Variants in SBF2 observed in about 807,000 individuals in gnomAD.
SBF2 encodes SET binding factor 2, also known as myotubularin-related protein 13.
Under a neutral mutation model 225.2 loss-of-function variants are expected in SBF2, and 112 were observed. The ratio of observed to expected loss-of-function variants is 0.50; its 90% CI spans 0.43 to 0.58. SBF2 has a LOEUF of 0.58. SBF2 is among the 20% of genes least tolerant of loss of function. SBF2 has a pLI of 0.00. For synonymous variants in SBF2, 763 were observed against 773.3 expected (o/e 0.99, Z 0.22); for missense variants, 1,996 against 2,206.2 (o/e 0.90, Z 1.91).
At chr11:9,887,850 A>G (rs1466925098) in intron 17 of SBF2, among the ~76,000 whole-genome samples, 2 of 151,958 alleles carry the variant, frequency 1.3e-5, no homozygotes, top group African/African-American at 4.8e-5. Context: ...CTTGAGACCT[A>G]TTGTAGGAAA....
intron 1 of SBF2, among the ~76,000 whole-genome samples, chr11:10,291,036 C>A (rs910579493): frequency 2.6e-5 from 4 of 152,190 alleles, no homozygotes; most frequent in Non-Finnish European, 4.4e-5. Flanking sequence ...CAAAGTTGTT[C>A]TCAAAGAGTG....
At chr11:10,089,359 T>A (rs1951695587) in intron 2 of SBF2, among the ~76,000 whole-genome samples, 1 of 152,224 alleles carries the variant, frequency 6.6e-6, no homozygotes, top group South Asian at 2.1e-4. Context: ...ATGACTGTAC[T>A]TCTTTAGCCT....
At chr11:9,996,172 T>G (rs369182597) in intron 9 of SBF2, among the ~76,000 whole-genome samples, 1 of 152,194 alleles carries the variant, frequency 6.6e-6, no homozygotes, top group East Asian at 1.9e-4. Context: ...ATCTTAATCT[T>G]TGTTAATTTT....
chr11:10,080,248 CA>C (rs34181436), intron 2 of SBF2, among the ~76,000 whole-genome samples: 28,921 of 82,124 alleles, frequency 0.35, 3,148 homozygotes, highest in East Asian at 0.59. Context: ...AACTCTGTCT[CA>C]AAAAAAAAAA....
chr11:9,920,278 A>G (rs1044486010), intron 16 of SBF2, among the ~76,000 whole-genome samples: 1 of 151,896 alleles, frequency 6.6e-6, no homozygotes, highest in African/African-American at 2.4e-5. Flanking sequence ...TGGCATGGAA[A>G]AACAGGCAGA....
At chr11:9,919,875 G>A (rs1863459231) in intron 16 of SBF2, among the ~76,000 whole-genome samples, 1 of 151,952 alleles carries the variant, frequency 6.6e-6, no homozygotes, top group East Asian at 1.9e-4. Context: ...GAGATTACAG[G>A]CATGTGCCAC....
chr11:9,975,767 T>C (rs1225672809), intron 13 of SBF2, among the ~76,000 whole-genome samples: 4 of 152,224 alleles, frequency 2.6e-5, no homozygotes, highest in Non-Finnish European at 5.9e-5. Context: ...TTTATGTCTA[T>C]GTCTTGACTC....
At chr11:9,883,500 T>C (rs568416688) in intron 17 of SBF2, among the ~76,000 whole-genome samples, 1 of 152,270 alleles carries the variant, frequency 6.6e-6, no homozygotes, top group Admixed American at 6.5e-5. Context: ...TCAGACTAAC[T>C]CTCAAGGTTA....
At chr11:9,876,415 C>T (rs1462183309) in intron 17 of SBF2, among the ~76,000 whole-genome samples, 1 of 152,090 alleles carries the variant, frequency 6.6e-6, no homozygotes, top group African/African-American at 2.4e-5. Flanking sequence ...CCAGCGTGCC[C>T]ATATTTGTAG....
At chr11:10,160,070 T>C (rs1431461452) in intron 2 of SBF2, among the ~76,000 whole-genome samples, 1 of 151,856 alleles carries the variant, frequency 6.6e-6, no homozygotes, top group African/African-American at 2.4e-5. Context: ...CAGTTACAAT[T>C]AGACACGAAA....
At chr11:10,003,664 G>A (rs1739134461) in intron 6 of SBF2, among the ~76,000 whole-genome samples, 1 of 151,940 alleles carries the variant, frequency 6.6e-6, no homozygotes. Flanking sequence ...ACCGCGCCTG[G>A]CCTGGTTTTT....
intron 2 of SBF2, among the ~76,000 whole-genome samples, chr11:10,090,391 T>G (rs533219400): frequency 9.2e-5 from 14 of 152,286 alleles, no homozygotes; most frequent in African/African-American, 3.4e-4. Context: ...AGTTGACAGG[T>G]CTCACCCAAA....
chr11:10,178,154 A>C (rs1319137978), intron 2 of SBF2, among the ~76,000 whole-genome samples: 2 of 147,328 alleles, frequency 1.4e-5, no homozygotes, highest in Non-Finnish European at 3.0e-5. Flanking sequence ...AGAAAGCTGA[A>C]ACTGGATCCC....
chr11:9,932,320 A>G (rs923765220), intron 16 of SBF2, among the ~76,000 whole-genome samples: 1 of 152,166 alleles, frequency 6.6e-6, no homozygotes, highest in Admixed American at 6.5e-5. Context: ...ACCCCAAGAC[A>G]CAGAATTGTC....
At chr11:10,077,806 G>A (rs191178265) in intron 2 of SBF2, among the ~76,000 whole-genome samples, 121 of 152,296 alleles carry the variant, frequency 7.9e-4, no homozygotes, top group African/African-American at 2.6e-3. Context: ...TTAAACTAAA[G>A]AGCTTCTGCA....
intron 2 of SBF2, among the ~76,000 whole-genome samples, chr11:10,049,624 T>A (rs1022117888): frequency 6.6e-6 from 1 of 152,038 alleles, no homozygotes; most frequent in Non-Finnish European, 1.5e-5. Context: ...AAAAATTAGT[T>A]GTAATTTCTA....
chr11:10,222,555 G>C (rs1958377350), intron 1 of SBF2, among the ~76,000 whole-genome samples: 2 of 152,166 alleles, frequency 1.3e-5, no homozygotes, highest in South Asian at 2.1e-4. Context: ...CTTGAAAACA[G>C]ATCAATAAAT....
intron 6 of SBF2, among the ~76,000 whole-genome samples, chr11:10,008,948 C>T (rs72857193): frequency 0.053 from 8,066 of 152,282 alleles, 302 homozygotes; most frequent in Middle Eastern, 0.16. Flanking sequence ...GGGATAAATG[C>T]GGTGCACATA....
intron 2 of SBF2, among the ~76,000 whole-genome samples, chr11:10,157,391 T>C (rs1591088416): frequency 6.6e-6 from 1 of 152,206 alleles, no homozygotes; most frequent in African/African-American, 2.4e-5. Context: ...CCAAAAGCAA[T>C]TGCAACAAAA....
Sources: allele counts gnomAD v4.1 joint callset (sites outside exome capture counted in the v4.1 genomes callset), GRCh38; gene constraint gnomAD v4.1.1; transcripts MANE v1.5; gene names NCBI Gene and HGNC (gene_info 2026-07-23, HGNC 2026-07-21).